The following RFX4 variants were observed in gnomAD, a reference collection of about 807,000 sequenced individuals.
RFX4 encodes regulatory factor X4.
In RFX4, 10 loss-of-function variants were observed where a neutral mutation model predicts 95.0. The ratio of observed to expected loss-of-function variants is 0.11; its 90% confidence interval spans 0.06 to 0.18. RFX4 has a LOEUF of 0.18. Among genes scored for constraint, RFX4 ranks in the 10% least tolerant of loss-of-function variants. RFX4 has a pLI of 1.00. For synonymous variants in RFX4, 321 were observed against 340.7 expected (o/e 0.94, Z 0.64); for missense variants, 640 against 922.0 (o/e 0.69, Z 3.96).
chr12:106,716,781 A>G (rs771081575), intron 11 of RFX4, among the ~76,000 whole-genome samples: 5 of 152,042 alleles, frequency 3.3e-5, no homozygotes, highest in Non-Finnish European at 5.9e-5. Context: ...CAATACATGC[A>G]CGGTCCCATT....
chr12:106,711,633 T>C (rs2042193063), intron 10 of RFX4, 122 bp downstream of exon 10: 1 of 751,874 alleles, frequency 1.3e-6, no homozygotes, highest in South Asian at 1.7e-5. Flanking sequence ...CTATTATTTT[T>C]TAATTTCTAC....
rs1299155366 is a variant in RFX4, at chr12:106,747,608, C to A, written c.1796+9C>A. On this transcript the variant is annotated intron_variant, in intron 16 of 17. Coordinates refer to ENST00000392842, the MANE Select transcript of RFX4 (RefSeq NM_213594.3). ...CACAGAGAGGAACATGGGTAGGTAACTTTCCAGGGATGCTGCTGGACTTTT... is the reference window on the plus strand; with the variant it reads ...CACAGAGAGGAACATGGGTAGGTAAATTTCCAGGGATGCTGCTGGACTTTT... 3 of 1,612,340 alleles carry A rather than the reference C, an allele frequency of 1.9e-6. No homozygotes were observed. The highest frequency in any genetic ancestry group is 2.5e-6 in the Non-Finnish European group (3 of 1,178,812).
chr12:106,631,455 T>C (rs2040414270), intron 2 of RFX4, among the ~76,000 whole-genome samples: 1 of 152,214 alleles, frequency 6.6e-6, no homozygotes, highest in African/African-American at 2.4e-5. Context: ...AATTCATATG[T>C]TGAAACTCTA....
chr12:106,684,077 G>T (rs966029489), intron 5 of RFX4, among the ~76,000 whole-genome samples: 2 of 152,098 alleles, frequency 1.3e-5, no homozygotes, highest in Non-Finnish European at 2.9e-5. Flanking sequence ...AAGAAATCTG[G>T]GGGGGTGGGC....
chr12:106,752,199 T>C (rs994318339), intron 17 of RFX4, among the ~76,000 whole-genome samples: 4 of 150,642 alleles, frequency 2.7e-5, no homozygotes, highest in Non-Finnish European at 5.9e-5. Context: ...TAGGGAATCC[T>C]TTCCCCATTG....
chr12:106,748,309 A>G (rs1183993958), intron 16 of RFX4, among the ~76,000 whole-genome samples: 1 of 152,178 alleles, frequency 6.6e-6, no homozygotes, highest in Non-Finnish European at 1.5e-5. Flanking sequence ...GCAGAATTAC[A>G]GAGCTTCATC....
chr12:106,612,132 T>C (rs2137212706), intron 2 of RFX4, among the ~76,000 whole-genome samples: 1 of 152,240 alleles, frequency 6.6e-6, no homozygotes, highest in Non-Finnish European at 1.5e-5. Context: ...TTTTTCTATT[T>C]CTGGAAAAAA....
At chr12:106,691,354 T>TGGTTA (rs1330326179) in intron 7 of RFX4, among the ~76,000 whole-genome samples, 2 of 152,188 alleles carry the variant, frequency 1.3e-5, no homozygotes, top group Admixed American at 1.3e-4. Flanking sequence ...GTCACACAGT[T>TGGTTA]GGTTAGGGCC....
chr12:106,650,487 C>T (rs1402285468), intron 3 of RFX4, among the ~76,000 whole-genome samples: 1 of 152,198 alleles, frequency 6.6e-6, no homozygotes, highest in African/African-American at 2.4e-5. Flanking sequence ...AATCCCAGCA[C>T]TTTGGGAGGC....
intron 16 of RFX4, among the ~76,000 whole-genome samples, chr12:106,750,199 G>A (rs373465320): frequency 3.3e-5 from 5 of 152,092 alleles, no homozygotes; most frequent in South Asian, 2.1e-4. Context: ...AGAAGAGGCC[G>A]GACACGGTAG....
chr12:106,639,837 G>A (rs1237881056), intron 3 of RFX4, among the ~76,000 whole-genome samples: 1 of 152,116 alleles, frequency 6.6e-6, no homozygotes, highest in Non-Finnish European at 1.5e-5. Flanking sequence ...TGGCATTCCT[G>A]GGCTTGATGA....
At chr12:106,741,609 G>A (rs1172154151) in intron 15 of RFX4, among the ~76,000 whole-genome samples, 2 of 152,104 alleles carry the variant, frequency 1.3e-5, no homozygotes, top group Non-Finnish European at 2.9e-5. Context: ...TATAGGATAG[G>A]GCAGAGCAGC....
At chr12:106,654,146 C>T (rs1028227762) in intron 3 of RFX4, 82 bp from the exon 4 acceptor site, 2 of 1,571,324 alleles carry the variant, frequency 1.3e-6, no homozygotes, top group Admixed American at 3.4e-5. Context: ...GACTGCCCAT[C>T]TCTGGAGGAC....
intron 13 of RFX4, among the ~76,000 whole-genome samples, chr12:106,723,989 A>G (rs932421394): frequency 6.6e-6 from 1 of 152,204 alleles, no homozygotes; most frequent in East Asian, 1.9e-4. Context: ...TTCTTTAGGT[A>G]AAAGAAAATT....
At chr12:106,708,402 G>A (rs2042128356) in intron 8 of RFX4, among the ~76,000 whole-genome samples, 1 of 151,834 alleles carries the variant, frequency 6.6e-6, no homozygotes, top group African/African-American at 2.4e-5. Flanking sequence ...GGAGGAGAGA[G>A]TTGGGGAATT....
chr12:106,719,002 G>GT (rs892353186), intron 11 of RFX4, among the ~76,000 whole-genome samples: 2 of 151,568 alleles, frequency 1.3e-5, no homozygotes, highest in African/African-American at 4.9e-5. Flanking sequence ...GGCACCTGTA[G>GT]TCCCAGCTAC....
At chr12:106,674,896 A>G (rs1346791087) in intron 4 of RFX4, among the ~76,000 whole-genome samples, 1 of 152,144 alleles carries the variant, frequency 6.6e-6, no homozygotes, top group African/African-American at 2.4e-5. Flanking sequence ...ATGGTTATTG[A>G]GGCTGCAGCT....
chr12:106,719,963 A>G lies in RFX4; in HGVS notation c.1142A>G (p.Tyr381Cys). 2 of 1,613,684 alleles carry G rather than the reference A, an allele frequency of 1.2e-6. No homozygotes were observed. Among genetic ancestry groups the G allele is most frequent in the Non-Finnish European group, 1.7e-6 (2 of 1,179,566 alleles). Residue 381 changes from tyrosine to cysteine, a missense_variant, in exon 12 of 18, where the codon TAT (tyrosine) becomes TGT (cysteine). Physicochemically the swap from Tyr to Cys is radical, Grantham distance 194. Coordinates refer to ENST00000392842, the MANE Select transcript of RFX4 (RefSeq NM_213594.3). The part of the protein sequence containing the change: ...DEHRKLITQL[Y>C]QEFDHLLEEQ... The stretch of plus-strand genomic sequence containing the variant: ...GGGGTTCTCCTTTGTTTGACAGTAT[A>G]TCAGGAGTTTGACCATCTCTTGGAG...
chr12:106,746,432 T>G (rs1033327684), intron 15 of RFX4, among the ~76,000 whole-genome samples: 9 of 150,960 alleles, frequency 6.0e-5, no homozygotes, highest in African/African-American at 2.2e-4. Context: ...CTTGGGAGGC[T>G]AAGGGGGAAG....
Sources: allele counts gnomAD v4.1 joint callset (sites outside exome capture counted in the v4.1 genomes callset), GRCh38; gene constraint gnomAD v4.1.1; transcripts MANE v1.5; gene names NCBI Gene and HGNC (gene_info 2026-07-23, HGNC 2026-07-21).